The following FOXP1 variants were observed in gnomAD, a reference collection of about 807,000 sequenced individuals.
FOXP1 encodes forkhead box protein P1.
In FOXP1, 15 loss-of-function variants were observed where a neutral mutation model predicts 98.2. The observed-to-expected ratio is 0.15, with a 90% CI of 0.10 to 0.24. The LOEUF (loss-of-function observed/expected upper bound fraction) is 0.24. Ranked by LOEUF, FOXP1 falls within the 10% of genes least tolerant of loss-of-function variation. The pLI, the probability that FOXP1 is intolerant of heterozygous loss-of-function variation, is 1.00. For synonymous variants in FOXP1, 371 were observed against 314.5 expected (o/e 1.18, Z -1.90); for missense variants, 633 against 848.5 (o/e 0.75, Z 3.15).
chr3:71,173,851 T>C (rs1174537453), intron 6 of FOXP1, among the ~76,000 whole-genome samples: 1 of 152,172 alleles, frequency 6.6e-6, no homozygotes, highest in African/African-American at 2.4e-5. Context: ...CTTTAAGGAA[T>C]GGGAGTTGGG....
At chr3:71,508,796 G>C (rs2042004165) in intron 2 of FOXP1, among the ~76,000 whole-genome samples, 1 of 152,198 alleles carries the variant, frequency 6.6e-6, no homozygotes, top group South Asian at 2.1e-4. Flanking sequence ...TAGGTCTGCA[G>C]AGTGATACCT....
At chr3:70,977,748 A>G (rs964321910) in intron 15 of FOXP1, 26 bp from the exon 16 acceptor site, 1 of 1,613,270 alleles carries the variant, frequency 6.2e-7, no homozygotes, top group Non-Finnish European at 8.5e-7. Flanking sequence ...TGTCCTATTA[A>G]TTATCACTTT....
At chr3:71,302,513 T>TA (rs34872613) in intron 4 of FOXP1, among the ~76,000 whole-genome samples, 40,280 of 131,604 alleles carry the variant, frequency 0.31, 7,452 homozygotes, top group East Asian at 0.68. Context: ...AGCTTTTATG[T>TA]AAAAAAAAAA....
rs192478372 is a variant in FOXP1 at position 71,154,201 on chromosome 3, C to T, written c.181-41564G>A. 2.0e-3 allele frequency among the ~76,000 whole-genome samples: 310 copies of T among 152,014 alleles called. 1 individual carries two copies. Among genetic ancestry groups the T allele is most frequent in the African/African-American group, 7.1e-3 (293 of 41,434 alleles). ...CTAGTTAATATATCCATCACCTCAC[C>T]TACTTATCATTTTTTTGTGTGTGTG... On this transcript the variant is annotated intron_variant, in intron 6 of 20. Coordinates refer to ENST00000649528, the MANE Select transcript of FOXP1 (RefSeq NM_001349338.3).
intron 3 of FOXP1, among the ~76,000 whole-genome samples, chr3:71,396,041 A>G (rs2081351684): frequency 6.6e-6 from 1 of 152,198 alleles, no homozygotes; most frequent in Non-Finnish European, 1.5e-5. Flanking sequence ...TCCTTTCCAT[A>G]TTAATTAATC....
chr3:71,251,421 A>C (rs980170662), intron 5 of FOXP1, among the ~76,000 whole-genome samples: 3 of 152,252 alleles, frequency 2.0e-5, no homozygotes, highest in Non-Finnish European at 4.4e-5. Flanking sequence ...TTTTCAGCTT[A>C]GCGAGAAAGA....
At chr3:71,202,647 C>T (rs1348477728) in intron 5 of FOXP1, among the ~76,000 whole-genome samples, 1 of 152,190 alleles carries the variant, frequency 6.6e-6, no homozygotes, top group Non-Finnish European at 1.5e-5. Flanking sequence ...CTGTTTCAGA[C>T]ATGAACTTGT....
In FOXP1 at chr3:71,265,111, T is replaced by A. The variant is rs1041842341; in HGVS notation, c.-12+34709A>T. Among the ~76,000 whole-genome samples the A allele has an allele frequency of 3.9e-5, 6 of 152,234 alleles. No individual in the cohort carries two copies. The South Asian group carries it at 1.2e-3, about 32-fold the overall frequency. On this transcript the variant is annotated intron_variant, in intron 5 of 20. Transcript: ENST00000649528. ...TGCTAGCTCTAATTCCAGGAATCTA[T>A]AGGTGACTGGGGGAGGAAATACAGA...
At chr3:71,320,495 T>G (rs996387185) in intron 4 of FOXP1, among the ~76,000 whole-genome samples, 37 of 152,146 alleles carry the variant, frequency 2.4e-4, no homozygotes, top group African/African-American at 8.9e-4. Flanking sequence ...ACACATCCCA[T>G]ATAACTCAGG....
intron 3 of FOXP1, among the ~76,000 whole-genome samples, chr3:71,477,704 T>C (rs1234813563): frequency 1.3e-5 from 2 of 152,150 alleles, no homozygotes; most frequent in Admixed American, 1.3e-4. Context: ...CCATGACACC[T>C]ACAAAATACA....
chr3:71,319,860 C>G (rs2075292420), intron 4 of FOXP1, among the ~76,000 whole-genome samples: 1 of 152,166 alleles, frequency 6.6e-6, no homozygotes, highest in Admixed American at 6.6e-5. Context: ...GGCCTTCCCT[C>G]AGTGAATGCT....
At chr3:71,556,215 AGG>A (rs1475635286) in intron 2 of FOXP1, among the ~76,000 whole-genome samples, 1 of 152,202 alleles carries the variant, frequency 6.6e-6, no homozygotes, top group Middle Eastern at 3.2e-3. Flanking sequence ...CAGAAACCAA[AGG>A]GTGTGAAAAG....
intron 6 of FOXP1, among the ~76,000 whole-genome samples, chr3:71,138,611 T>C (rs2059927580): frequency 1.3e-5 from 2 of 152,098 alleles, no homozygotes; most frequent in Admixed American, 1.3e-4. Flanking sequence ...TAGGATACTA[T>C]CTCTCAAAAG....
chr3:71,313,057 C>CTTTT (rs1227506558), intron 4 of FOXP1, among the ~76,000 whole-genome samples: 13 of 119,022 alleles, frequency 1.1e-4, no homozygotes, highest in African/African-American at 2.6e-4. Context: ...AACTTTAATT[C>CTTTT]TTTTTTTTTT....
At chr3:71,227,291 C>T (rs1274057190) in intron 5 of FOXP1, among the ~76,000 whole-genome samples, 1 of 152,220 alleles carries the variant, frequency 6.6e-6, no homozygotes, top group South Asian at 2.1e-4. Flanking sequence ...GTGAAGACCA[C>T]GACCACAGGG....
chr3:71,016,591 T>C (rs1206272659), intron 11 of FOXP1, among the ~76,000 whole-genome samples: 1 of 151,890 alleles, frequency 6.6e-6, no homozygotes, highest in Non-Finnish European at 1.5e-5. Context: ...AAGGGCTATT[T>C]TGCAACTTAC....
intron 3 of FOXP1, among the ~76,000 whole-genome samples, chr3:71,450,500 C>A (rs2086848926): frequency 6.6e-6 from 1 of 152,208 alleles, no homozygotes; most frequent in Non-Finnish European, 1.5e-5. Context: ...CATTACCAAG[C>A]TACGAAATAA....
chr3:71,506,428 G>A (rs555541082), intron 2 of FOXP1, among the ~76,000 whole-genome samples: 4 of 151,902 alleles, frequency 2.6e-5, no homozygotes, highest in Non-Finnish European at 5.9e-5. Flanking sequence ...ATTCGAATCC[G>A]CACACGCTCC....
chr3:71,300,968 C>G (rs2073793985), intron 4 of FOXP1, among the ~76,000 whole-genome samples: 2 of 152,142 alleles, frequency 1.3e-5, no homozygotes, highest in South Asian at 4.1e-4. Flanking sequence ...TTGAAAGTGG[C>G]ACTTTGGTGT....
Sources: allele counts gnomAD v4.1 joint callset (sites outside exome capture counted in the v4.1 genomes callset), GRCh38; gene constraint gnomAD v4.1.1; transcripts MANE v1.5; gene names NCBI Gene and HGNC (gene_info 2026-07-23, HGNC 2026-07-21).